The following SLC46A2 variants were observed in gnomAD, a reference collection of about 807,000 sequenced individuals.
The protein encoded by SLC46A2 is solute carrier family 46 member 2.
A neutral mutation model predicts 33.1 loss-of-function variants in SLC46A2; 25 were observed. The observed-to-expected ratio is 0.76, with a 90% CI of 0.55 to 1.06. The LOEUF (loss-of-function observed/expected upper bound fraction) is 1.06, where lower values mean the gene tolerates loss of function less well. Among genes scored for constraint, SLC46A2 ranks in the 50% least tolerant of loss-of-function variants. SLC46A2 has a pLI of 0.00. For synonymous variants in SLC46A2, 254 were observed against 275.9 expected, an observed-to-expected ratio of 0.92 and a Z score of 0.79; for missense variants, 622 against 621.7, an observed-to-expected ratio of 1.00 and a Z score of 0.00.
chr9:112,884,735 T>C (rs1841623326), intron 3 of SLC46A2, among the ~76,000 whole-genome samples: 1 of 152,238 alleles, frequency 6.6e-6, no homozygotes, highest in Admixed American at 6.5e-5. Flanking sequence ...AATCAGTTGC[T>C]TACTTGTATC....
chr9:112,887,946 T>TGTGTGTGTGTGTGTGA (rs1554760068), intron 1 of SLC46A2, among the ~76,000 whole-genome samples: 5 of 139,288 alleles, frequency 3.6e-5, no homozygotes, highest in African/African-American at 1.4e-4. Context: ...TGTGTGTGTG[T>TGTGTGTGTGTGTGTGA]GAGAGAGAGA....
At position 112,890,673 on chromosome 9, in the gene SLC46A2, G is replaced by A. The variant is rs769952175; in HGVS notation, c.9C>T (p.Pro3=). Residue 3 remains proline, a synonymous_variant, in exon 1 of 4, where the codon CCC becomes CCT. Transcript: ENST00000374228. The surrounding 1 kb of genome is among the most constrained non-coding windows in gnomAD (Gnocchi z 6.0). ...GGCCCCTCCGCGGGCAGGTGACCTC[G>A]GGGCTCATGTGACCTCTCTGATGGG... The part of the protein sequence containing the change: MS[P]EVTCPRRGHL... The A allele has an allele frequency of 3.1e-6, 5 of 1,596,112 alleles. No individual in the cohort carries two copies. Among genetic ancestry groups the A allele is most frequent in the South Asian group, 2.2e-5 (2 of 90,792 alleles).
In SLC46A2 at chr9:112,890,319, GA is replaced by G. The variant is rs759840572; in HGVS notation, c.362del (p.Leu121ProfsTer22). 1.9e-6 allele frequency: 3 copies of G among 1,613,844 alleles called. No homozygotes were observed. Among genetic ancestry groups the G allele is most frequent in the Non-Finnish European group, 2.5e-6 (3 of 1,179,990 alleles). ...CCAGCAGCACCTTGAGCAGCAGCCCGAGGCGGGAGAGCAGGAAGCCCAGCAG... is the reference window on the plus strand; with the variant it reads ...CCAGCAGCACCTTGAGCAGCAGCCCGGGCGGGAGAGCAGGAAGCCCAGCAG... Reference protein sequence around the residue: ...MSLLGFLLSRLGLLLKVLLDW... With the variant: ...MSLLGFLLSRXGLLLKVLLDW... On this transcript the variant is annotated frameshift_variant, in exon 1 of 4. Transcript: ENST00000374228. LOFTEE classifies it high-confidence loss of function. The surrounding 1 kb of genome is among the most constrained non-coding windows in gnomAD (Gnocchi z 6.0).
intron 3 of SLC46A2, among the ~76,000 whole-genome samples, chr9:112,883,197 C>A (rs559826096): frequency 6.6e-6 from 1 of 152,190 alleles, no homozygotes; most frequent in African/African-American, 2.4e-5. Context: ...TGAGACAGCA[C>A]GTGCAGACCT....
At chr9:112,886,428 A>G (rs375678235) in intron 3 of SLC46A2, 32 bp downstream of exon 3, 4 of 1,613,242 alleles carry the variant, frequency 2.5e-6, no homozygotes, top group South Asian at 2.2e-5. Flanking sequence ...TCAGGGTCCC[A>G]GCCCAAGCAG....
chr9:112,888,283 C>T (rs1841671688), intron 1 of SLC46A2, among the ~76,000 whole-genome samples: 1 of 133,004 alleles, frequency 7.5e-6, no homozygotes, highest in African/African-American at 2.5e-5. Context: ...ATCTCAAAAA[C>T]AAAACAAAAC....
rs1285629276 is a variant in SLC46A2, at chr9:112,887,324, A to C, written c.1213+6T>G. On this transcript the variant is annotated splice_donor_region_variant and intron_variant, in intron 2 of 3. Transcript: ENST00000374228. ...AGATTCCAGAGAGATTCTGTTCACT[A>C]CTCACCATAAGAGGAGCCCTTTATG... 2 of 1,610,998 alleles carry C rather than the reference A, an allele frequency of 1.2e-6. No homozygotes were observed. Among genetic ancestry groups the C allele is most frequent in the Non-Finnish European group, 1.7e-6 (2 of 1,178,594 alleles).
intron 1 of SLC46A2, among the ~76,000 whole-genome samples, chr9:112,888,209 G>A (rs1396847671): frequency 6.6e-6 from 1 of 152,030 alleles, no homozygotes; most frequent in Non-Finnish European, 1.5e-5. Context: ...CCCAGGAGGT[G>A]GAAGTTGCAG....
chr9:112,883,680 GTTT>G, intron 3 of SLC46A2, among the ~76,000 whole-genome samples: 1 of 143,514 alleles, frequency 7.0e-6, no homozygotes, highest in South Asian at 2.3e-4. Flanking sequence ...TCTCTTTTCT[GTTT>G]TTTTCTTTTT....
rs577877249 is a variant in SLC46A2, at chr9:112,883,072, G to A, written c.1371-3253C>T. Among the ~76,000 whole-genome samples, 13 of 152,276 alleles carry A rather than the reference G, an allele frequency of 8.5e-5. 1 individual carries two copies. The highest frequency in any genetic ancestry group is 3.4e-3 in the Middle Eastern group (1 of 294). On this transcript the variant is annotated intron_variant, in intron 3 of 3. Transcript: ENST00000374228. ...GAGATGAAGGTGGCAGCAGGTCAAC[G>A]GATGCAGCTAATAAGTCATTAGTGG...
rs757930338 is a variant in SLC46A2, at chr9:112,879,734, T to A, written c.*28A>T. ...CTTCTGGGGGCCTGGCCATGGCTGA[T>A]GTTTTCAGTTCCTGCAGGTAAGCAT... On this transcript the variant is annotated 3_prime_UTR_variant, in exon 4 of 4. Transcript: ENST00000374228. 1 of 1,605,204 alleles carries A rather than the reference T, an allele frequency of 6.2e-7. No homozygotes were observed. The highest frequency in any genetic ancestry group is 2.2e-5 in the East Asian group (1 of 44,780).
chr9:112,890,472 C>A lies in SLC46A2; in HGVS notation c.210G>T (p.Gln70His), dbSNP rs1208099216. The A allele has an allele frequency of 6.2e-7, 1 of 1,614,238 alleles. No individual in the cohort carries two copies. The change falls in exon 1 of 4, where the codon CAG becomes CAT. Residue 70 changes from glutamine (Q) to histidine (H), a missense_variant. Gln to His is a conservative substitution (Grantham distance 24, BLOSUM62 0). Coordinates refer to ENST00000374228, the MANE Select transcript of SLC46A2 (RefSeq NM_033051.4). The surrounding 1 kb of genome is among the most constrained non-coding windows in gnomAD (Gnocchi z 6.0). ...PSPRGALEDQ[Q>H]QRAISNFYII... ...TGTAGAAATTGGAGATGGCTCTCTG[C>A]TGTTGGTCCTCTAGAGCCCCCCGGG... is the stretch of plus-strand genomic sequence containing the variant.
Position 112,886,560 on chromosome 9 carries a change from T to A in SLC46A2, c.1270A>T (p.Thr424Ser). 1.9e-6 allele frequency: 3 copies of A among 1,614,078 alleles called. No individual in the cohort carries two copies. Among genetic ancestry groups the A allele is most frequent in the Non-Finnish European group, 2.5e-6 (3 of 1,180,002 alleles). The stretch of plus-strand genomic sequence containing the variant: ...AGCTGGTAGATCTTGTTGTACAAGG[T>A]GGATGTCACCACGCCGGTCAGAGCC... ...SLALTGVVTS[T>S]LYNKIYQLTM... Residue 424 changes from threonine (T) to serine (S), a missense_variant, in exon 3 of 4, where the codon ACC (threonine) becomes TCC (serine). Transcript: ENST00000374228.
In SLC46A2 at chr9:112,879,640, C is replaced by G. The variant is rs1460837139; in HGVS notation, c.*122G>C. 1.1e-6 allele frequency: 1 copy of G among 870,590 alleles called. No homozygotes were observed. Among genetic ancestry groups the G allele is most frequent in the East Asian group, 2.5e-5 (1 of 39,860 alleles). 53.9% of individuals were successfully genotyped at this position (870,590 alleles called of 1,614,324 possible). On this transcript the variant is annotated 3_prime_UTR_variant, in exon 4 of 4. Transcript: ENST00000374228. ...AGAGCAGGTCATTCTGAGGCCAACT[C>G]TGGCTGGAACGCAGGTTTCTTAAGC...
intron 3 of SLC46A2, chr9:112,885,733 AT>A (rs1217472969): frequency 6.6e-6 from 1 of 152,220 alleles, no homozygotes; most frequent in Non-Finnish European, 1.5e-5. Flanking sequence ...GATATTTTGC[AT>A]GTCAAATATG....
intron 1 of SLC46A2, among the ~76,000 whole-genome samples, chr9:112,888,632 C>G (rs1368285042): frequency 6.6e-6 from 1 of 152,240 alleles, no homozygotes; most frequent in African/African-American, 2.4e-5. Flanking sequence ...TGGATAGCAA[C>G]TATTTCCATC....
At chr9:112,886,373 A>T in intron 3 of SLC46A2, 87 bp downstream of exon 3, 1 of 1,402,616 alleles carries the variant, frequency 7.1e-7, no homozygotes, top group Non-Finnish European at 1.0e-6. Context: ...TAAATAATGC[A>T]GTGATGGTGG....
chr9:112,883,008 G>C (rs1201817239), intron 3 of SLC46A2, among the ~76,000 whole-genome samples: 1 of 152,238 alleles, frequency 6.6e-6, no homozygotes, highest in Non-Finnish European at 1.5e-5. Flanking sequence ...CCTGAGGAAA[G>C]AGTGATCAAC....
intron 3 of SLC46A2, among the ~76,000 whole-genome samples, chr9:112,884,630 T>TA (rs1246241486): frequency 6.6e-6 from 1 of 152,232 alleles, no homozygotes; most frequent in African/African-American, 2.4e-5. Flanking sequence ...GCAGTCAATT[T>TA]AAAATCTGGC....
Sources: allele counts gnomAD v4.1 joint callset (sites outside exome capture counted in the v4.1 genomes callset), GRCh38; gene constraint gnomAD v4.1.1; non-coding constraint Gnocchi (gnomAD v3.1); transcripts MANE v1.5; gene names NCBI Gene and HGNC (gene_info 2026-07-23, HGNC 2026-07-21).